GRM8: variants seen among roughly 807,000 people sequenced by gnomAD.
GRM8 encodes the protein glutamate metabotropic receptor 8.
GRM8 carries 47 observed loss-of-function variants against 87.2 expected under a neutral mutation model. The ratio of observed to expected loss-of-function variants is 0.54; its 90% CI spans 0.43 to 0.69. The LOEUF is 0.69. GRM8 is among the 30% of genes least tolerant of loss of function. The pLI is 0.00. For missense variants in GRM8, 1,019 were observed against 1,139.2 expected, an observed-to-expected ratio of 0.89 and a Z score of 1.52; for synonymous variants, 396 against 404.5, an observed-to-expected ratio of 0.98 and a Z score of 0.25.
intron 3 of GRM8, among the ~76,000 whole-genome samples, chr7:126,982,826 G>T (rs1048495159): frequency 1.3e-5 from 2 of 152,058 alleles, no homozygotes; most frequent in Admixed American, 6.5e-5. Flanking sequence ...GCAGGTCATG[G>T]TTTTTTTCCT....
intron 3 of GRM8, among the ~76,000 whole-genome samples, chr7:126,939,462 T>A (rs1806674078): frequency 6.6e-6 from 1 of 152,170 alleles, no homozygotes; most frequent in Admixed American, 6.5e-5. Flanking sequence ...CCCTCATGGG[T>A]TGCTATGGGT....
At chr7:126,770,844 T>C (rs1818764371) in intron 6 of GRM8, among the ~76,000 whole-genome samples, 1 of 152,014 alleles carries the variant, frequency 6.6e-6, no homozygotes, top group Non-Finnish European at 1.5e-5. Context: ...AAACTAAGAC[T>C]CATGGAGATT....
chr7:127,142,184 T>C (rs1281053273), intron 2 of GRM8, among the ~76,000 whole-genome samples: 1 of 152,008 alleles, frequency 6.6e-6, no homozygotes, highest in East Asian at 1.9e-4. Context: ...CACTTTGTCA[T>C]CCAGCCTGGT....
intron 1 of GRM8, among the ~76,000 whole-genome samples, chr7:127,251,508 G>A (rs1798865776): frequency 6.6e-6 from 1 of 152,108 alleles, no homozygotes; most frequent in Non-Finnish European, 1.5e-5. Context: ...AGCCCGCCAG[G>A]AGCCCCTGTT....
rs146228004 is a variant in GRM8 at position 126,577,794 on chromosome 7, G to T, written c.1494+31568C>A. 6.4e-3 allele frequency among the ~76,000 whole-genome samples: 969 copies of T among 152,038 alleles called. 3 individuals are homozygous for T. The highest frequency in any genetic ancestry group is 0.021 in the African/African-American group (884 of 41,466). On this transcript the variant is annotated intron_variant, in intron 8 of 10. Coordinates refer to ENST00000339582, the MANE Select transcript of GRM8 (RefSeq NM_000845.3). The stretch of plus-strand genomic sequence containing the variant: ...CTTGAGCATGCTTTCTCCGTGGAAG[G>T]CCTCTCAATTCAAAGCATTTTTTTT...
At chr7:126,701,669 A>G (rs1809946459) in intron 7 of GRM8, 1 of 481,156 alleles carries the variant, frequency 2.1e-6, no homozygotes, top group Non-Finnish European at 4.0e-6. Context: ...TCTAGATAGT[A>G]AAATATTGTG....
intron 6 of GRM8, among the ~76,000 whole-genome samples, chr7:126,849,667 C>A (rs1032276250): frequency 4.6e-5 from 7 of 152,184 alleles, no homozygotes; most frequent in African/African-American, 1.7e-4. Flanking sequence ...CCTCTCCTAT[C>A]CTCACTGTCA....
intron 8 of GRM8, among the ~76,000 whole-genome samples, chr7:126,602,858 A>G (rs908476968): frequency 2.7e-4 from 36 of 135,618 alleles, no homozygotes; most frequent in African/African-American, 8.8e-4. Flanking sequence ...CAATAGAAAA[A>G]GAGGGAATCC....
At chr7:127,119,854 C>G (rs1038693225) in intron 2 of GRM8, among the ~76,000 whole-genome samples, 1 of 152,170 alleles carries the variant, frequency 6.6e-6, no homozygotes, top group African/African-American at 2.4e-5. Flanking sequence ...CTATTCTTCC[C>G]TTGTTTCATC....
chr7:126,640,064 T>C (rs1006641650), intron 7 of GRM8, among the ~76,000 whole-genome samples: 18 of 152,164 alleles, frequency 1.2e-4, no homozygotes, highest in African/African-American at 3.9e-4. Context: ...CAGACCATAA[T>C]AGGGCAATCG....
At chr7:126,867,897 A>C (rs2130872072) in intron 6 of GRM8, among the ~76,000 whole-genome samples, 1 of 152,368 alleles carries the variant, frequency 6.6e-6, no homozygotes. Flanking sequence ...AAAGTACCTC[A>C]ATATTAGTAA....
At chr7:127,182,667 GTGTGTGTGTGTGTGTA>G (rs1435414152) in intron 2 of GRM8, among the ~76,000 whole-genome samples, 3 of 113,754 alleles carry the variant, frequency 2.6e-5, no homozygotes, top group South Asian at 2.6e-4. Flanking sequence ...GTGTGTGTGT[GTGTGTGTGTGTGTGTA>G]TAGACAGATA....
intron 6 of GRM8, among the ~76,000 whole-genome samples, chr7:126,776,392 A>T (rs2151626638): frequency 6.6e-6 from 1 of 152,246 alleles, no homozygotes; most frequent in South Asian, 2.1e-4. Flanking sequence ...AGGTAGTAGA[A>T]AATTGGCACC....
intron 2 of GRM8, among the ~76,000 whole-genome samples, chr7:127,180,609 A>G (rs1391455975): frequency 6.6e-6 from 1 of 152,062 alleles, no homozygotes; most frequent in Non-Finnish European, 1.5e-5. Flanking sequence ...ACAAAATACT[A>G]GCTAACCGAA....
At chr7:126,459,550 G>A (rs1162323542) in intron 9 of GRM8, among the ~76,000 whole-genome samples, 1 of 151,526 alleles carries the variant, frequency 6.6e-6, no homozygotes, top group Non-Finnish European at 1.5e-5. Context: ...GGCAAATATA[G>A]TGGCAGAGAC....
At chr7:126,663,285 C>G (rs925542534) in intron 7 of GRM8, among the ~76,000 whole-genome samples, 7 of 152,144 alleles carry the variant, frequency 4.6e-5, no homozygotes, top group African/African-American at 1.7e-4. Flanking sequence ...CCCTCTAACT[C>G]ATTTTATGAA....
At chr7:126,781,919 T>C (rs1180809182) in intron 6 of GRM8, among the ~76,000 whole-genome samples, 1 of 152,078 alleles carries the variant, frequency 6.6e-6, no homozygotes, top group Non-Finnish European at 1.5e-5. Context: ...TCTCCTCATA[T>C]TTCCCAGGCT....
At chr7:126,803,038 C>A (rs973045620) in intron 6 of GRM8, among the ~76,000 whole-genome samples, 1 of 152,152 alleles carries the variant, frequency 6.6e-6, no homozygotes, top group African/African-American at 2.4e-5. Context: ...TTAACAGAGG[C>A]AGGTCAAAGA....
At position 126,889,525 on chromosome 7, in the gene GRM8, T is replaced by G. The variant is rs189805291; in HGVS notation, c.1156+13017A>C. Among the ~76,000 whole-genome samples the G allele has an allele frequency of 3.5e-3, 538 of 152,238 alleles. 2 individuals are homozygous for G. The highest frequency in any genetic ancestry group is 0.013 in the African/African-American group (520 of 41,556). ...TCTGTAAAATAATATTTTGGTAGAC[T>G]AGAGGGCATGTTGTTAAAGGAACCC... is the stretch of plus-strand genomic sequence containing the variant. On this transcript the variant is annotated intron_variant, in intron 6 of 10. Transcript: ENST00000339582.
Sources: gnomAD v4.1 joint callset for allele counts (sites outside exome capture counted in the v4.1 genomes callset) on GRCh38, gnomAD v4.1.1 for gene constraint, MANE v1.5 for transcripts, NCBI Gene and HGNC (gene_info 2026-07-23, HGNC 2026-07-21) for gene names.